ABCA6: variants seen among roughly 807,000 people sequenced by gnomAD.
The protein encoded by ABCA6 is ATP-binding cassette sub-family A member 6.
ABCA6 carries 164 observed loss-of-function variants against 191.2 expected under a neutral mutation model. The observed-to-expected ratio is 0.86, with a 90% CI of 0.76 to 0.98. ABCA6 has a LOEUF of 0.98. Ranked by LOEUF, ABCA6 falls within the 50% of genes least tolerant of loss-of-function variation. The pLI, the probability that ABCA6 is intolerant of heterozygous loss-of-function variation, is 0.00. For missense variants in ABCA6, 1,958 were observed against 1,894.1 expected, an observed-to-expected ratio of 1.03 and a Z score of -0.63; for synonymous variants, 636 against 647.7, an observed-to-expected ratio of 0.98 and a Z score of 0.27.
intron 26 of ABCA6, 95 bp downstream of exon 26, chr17:69,091,048 C>T (rs2072910863): frequency 1.7e-5 from 23 of 1,324,786 alleles, no homozygotes; most frequent in Non-Finnish European, 2.3e-5. Flanking sequence ...CTGTTACTCC[C>T]CAGTTCCACT....
At chr17:69,104,538 A>G (rs2073248021) in intron 20 of ABCA6, 1 of 151,562 alleles carries the variant, frequency 6.6e-6, no homozygotes, top group African/African-American at 2.4e-5. Flanking sequence ...TGAATGAGGA[A>G]CTCAGCAAGG....
intron 6 of ABCA6, among the ~76,000 whole-genome samples, chr17:69,132,903 T>C (rs888610489): frequency 6.6e-6 from 1 of 152,216 alleles, no homozygotes; most frequent in African/African-American, 2.4e-5. Flanking sequence ...TGTGTATGTA[T>C]GTGTACACAT....
At chr17:69,129,954 G>A (rs113209026) in intron 6 of ABCA6, among the ~76,000 whole-genome samples, 67 of 151,814 alleles carry the variant, frequency 4.4e-4, no homozygotes, top group Middle Eastern at 3.4e-3. Flanking sequence ...ATTCATCTTC[G>A]TTACCTTTAC....
intron 21 of ABCA6, among the ~76,000 whole-genome samples, chr17:69,101,305 C>T (rs1223432644): frequency 6.6e-6 from 1 of 152,016 alleles, no homozygotes; most frequent in Non-Finnish European, 1.5e-5. Flanking sequence ...GATGAAGAAG[C>T]AAAGGAAGAT....
chr17:69,122,424 G>C (rs1306289030), intron 10 of ABCA6, among the ~76,000 whole-genome samples: 1 of 151,920 alleles, frequency 6.6e-6, no homozygotes, highest in Non-Finnish European at 1.5e-5. Flanking sequence ...TAGAATCCCT[G>C]GCTAAAAACA....
intron 36 of ABCA6, among the ~76,000 whole-genome samples, chr17:69,082,554 G>A (rs761406638): frequency 6.6e-6 from 1 of 152,152 alleles, no homozygotes; most frequent in Middle Eastern, 3.4e-3. Context: ...TTTATGAGGA[G>A]GCCCAGGAAG....
In ABCA6 at chr17:69,091,671, C is replaced by T. The variant is rs866518689; in HGVS notation, c.3409-409G>A. Among the ~76,000 whole-genome samples the T allele has an allele frequency of 1.1e-3, 82 of 72,066 alleles. 31 individuals carry two copies. Among genetic ancestry groups the T allele is most frequent in the Middle Eastern group, 0.013 (2 of 154 alleles). The allele number at this position is 72,066 out of a possible 152,430, so 47.3% of individuals were successfully genotyped here. A position where few individuals can be genotyped will look rare whatever the true frequency, so the allele number is the denominator to read the frequency against. ...CCGAGTAGCTGGGACTACAGGCGCC[C>T]GCCACTACGCCCGGCTAATTTTTTG... On this transcript the variant is annotated intron_variant, in intron 25 of 38. Transcript: ENST00000284425.
At chr17:69,113,485 C>G in intron 14 of ABCA6, 125 bp from the exon 15 acceptor site, 1 of 1,528,492 alleles carries the variant, frequency 6.5e-7, no homozygotes, top group African/African-American at 1.4e-5. Context: ...CAATATACTT[C>G]TATTTATAGT....
At chr17:69,118,661 A>G (rs1598043161) in intron 10 of ABCA6, among the ~76,000 whole-genome samples, 3 of 152,064 alleles carry the variant, frequency 2.0e-5, no homozygotes, top group African/African-American at 7.2e-5. Flanking sequence ...CTCTTTGTTA[A>G]TGGTGACTTA....
At chr17:69,079,496 G>A (rs1407955857) in intron 37 of ABCA6, among the ~76,000 whole-genome samples, 1 of 151,912 alleles carries the variant, frequency 6.6e-6, no homozygotes, top group Non-Finnish European at 1.5e-5. Context: ...TATTTGTTTT[G>A]GTATTGCGTG....
intron 25 of ABCA6, among the ~76,000 whole-genome samples, chr17:69,092,852 G>C (rs1348483350): frequency 1.3e-5 from 2 of 152,156 alleles, no homozygotes; most frequent in East Asian, 3.8e-4. Context: ...CGTTTAAGTT[G>C]ATACTAGCTG....
intron 23 of ABCA6, among the ~76,000 whole-genome samples, chr17:69,097,404 A>G (rs945051771): frequency 2.6e-5 from 4 of 152,142 alleles, no homozygotes; most frequent in Non-Finnish European, 5.9e-5. Flanking sequence ...AAAAAAAAAA[A>G]AAAAGTATTA....
chr17:69,118,077 A>C, intron 10 of ABCA6, 121 bp from the exon 11 acceptor site: 1 of 626,030 alleles, frequency 1.6e-6, no homozygotes, highest in Non-Finnish European at 2.8e-6. Context: ...AAGGGATGGC[A>C]TAAACAGTCT....
intron 6 of ABCA6, among the ~76,000 whole-genome samples, chr17:69,132,015 TTCTC>T (rs912815601): frequency 2.2e-3 from 342 of 152,242 alleles, no homozygotes; most frequent in African/African-American, 7.7e-3. Context: ...CAAAAACTTC[TTCTC>T]TCTTTTTTAT....
In ABCA6 at chr17:69,083,032, A is replaced by T. The variant is rs200217034; in HGVS notation, c.4476-19T>A. 1.2e-6 allele frequency: 2 copies of T among 1,609,326 alleles called. No homozygotes were observed. The highest frequency in any genetic ancestry group is 1.1e-5 in the South Asian group (1 of 89,776). Reference sequence around the variant, plus strand: ...AATGCATCTATGGGCAAGAAAGAGAATATGTTGGAAAAAATATTGCCCTTA... The same window carrying T: ...AATGCATCTATGGGCAAGAAAGAGATTATGTTGGAAAAAATATTGCCCTTA... On this transcript the variant is annotated intron_variant, in intron 35 of 38. Coordinates refer to ENST00000284425, the MANE Select transcript of ABCA6 (RefSeq NM_080284.3).
intron 37 of ABCA6, among the ~76,000 whole-genome samples, chr17:69,079,651 T>TG: frequency 6.6e-6 from 1 of 152,332 alleles, no homozygotes. Context: ...ATCACCTCTC[T>TG]GCTGGACTTC....
chr17:69,107,698 T>TG lies in ABCA6; in HGVS notation c.2386dup (p.Gln796ProfsTer17). 6.3e-7 allele frequency: 1 copy of TG among 1,589,172 alleles called. No homozygotes were observed. The highest frequency in any genetic ancestry group is 8.6e-7 in the Non-Finnish European group (1 of 1,161,386). ...GTGAATTATACAAATGGCTTTACCT[T>TG]GTTCGATAGTTGACTGTCCTTCCAG... On this transcript the variant is annotated frameshift_variant, in exon 18 of 39. Coordinates refer to ENST00000284425, the MANE Select transcript of ABCA6 (RefSeq NM_080284.3). LOFTEE classifies it high-confidence loss of function.
chr17:69,123,215 A>G, intron 10 of ABCA6, 24 bp downstream of exon 10: 1 of 1,368,392 alleles, frequency 7.3e-7, no homozygotes, highest in Non-Finnish European at 9.6e-7. Flanking sequence ...CTCATGCATT[A>G]GTATTACTTA....
At chr17:69,133,915 C>A in intron 5 of ABCA6, 48 bp from the exon 6 acceptor site, 1 of 1,286,604 alleles carries the variant, frequency 7.8e-7, no homozygotes, top group South Asian at 1.5e-5. Flanking sequence ...AAGATAGAAA[C>A]TGGTGAACTA....
Sources: gnomAD v4.1 joint callset for allele counts (sites outside exome capture counted in the v4.1 genomes callset) on GRCh38, gnomAD v4.1.1 for gene constraint, MANE v1.5 for transcripts, NCBI Gene and HGNC (gene_info 2026-07-23, HGNC 2026-07-21) for gene names.